BMERB1: variants seen among roughly 807,000 people sequenced by gnomAD.
The protein encoded by BMERB1 is bMERB domain containing 1, also known as bMERB domain-containing protein 1.
A neutral mutation model predicts 23.6 loss-of-function variants in BMERB1; 12 were observed. The ratio of observed to expected loss-of-function variants is 0.51; its 90% CI spans 0.33 to 0.82. The LOEUF (loss-of-function observed/expected upper bound fraction) is 0.82. Ranked by LOEUF, BMERB1 falls within the 40% of genes least tolerant of loss-of-function variation. BMERB1 has a pLI of 0.03. For missense variants in BMERB1, 247 were observed against 255.4 expected (o/e 0.97, Z 0.22); for synonymous variants, 122 against 96.6 (o/e 1.26, Z -1.54).
At chr16:15,447,144 A>G (rs972770588) in intron 1 of BMERB1, among the ~76,000 whole-genome samples, 1 of 152,148 alleles carries the variant, frequency 6.6e-6, no homozygotes, top group African/African-American at 2.4e-5. Flanking sequence ...CAAAGGATGT[A>G]TTGGTCCGTT....
chr16:15,463,431 T>A (rs897754293), intron 1 of BMERB1, among the ~76,000 whole-genome samples: 1 of 152,110 alleles, frequency 6.6e-6, no homozygotes, highest in African/African-American at 2.4e-5. Context: ...ACCACTGTTA[T>A]CACAGAAGTG....
At chr16:15,437,704 A>G (rs1383966881) in intron 1 of BMERB1, among the ~76,000 whole-genome samples, 4 of 152,208 alleles carry the variant, frequency 2.6e-5, no homozygotes. Flanking sequence ...CACGCCTGCA[A>G]TCCCAGCACT....
At chr16:15,478,970 A>G (rs1447078788) in intron 1 of BMERB1, among the ~76,000 whole-genome samples, 1 of 152,242 alleles carries the variant, frequency 6.6e-6, no homozygotes, top group East Asian at 1.9e-4. Context: ...CAGTGGCTGG[A>G]ACTGAACTAG....
chr16:15,576,581 T>C (rs1396276451), intron 3 of BMERB1, among the ~76,000 whole-genome samples: 1 of 152,094 alleles, frequency 6.6e-6, no homozygotes, highest in East Asian at 1.9e-4. Flanking sequence ...CCTAACAAAT[T>C]GGTGCAAACT....
Position 15,443,553 on chromosome 16 carries a change from C to CAAACAA in BMERB1, c.106+8810_106+8815dup, listed in dbSNP as rs1045773840. On this transcript the variant is annotated intron_variant, in intron 1 of 5. Coordinates refer to ENST00000300006, the MANE Select transcript of BMERB1 (RefSeq NM_033201.3). ...GGCCCTATCTCAAAAAACAAACAAACAAACAAAAACAAAAACAAAAAATCC... is the reference window on the plus strand; with the variant it reads ...GGCCCTATCTCAAAAAACAAACAAACAAACAAAAACAAAAACAAAAACAAAAAATCC... Among the ~76,000 whole-genome samples, 7 of 152,004 alleles carry CAAACAA rather than the reference C, an allele frequency of 4.6e-5. No individual in the cohort carries two copies. In the East Asian group the frequency reaches 1.2e-3, roughly 25 times the overall value.
At chr16:15,458,247 A>G (rs959241265) in intron 1 of BMERB1, among the ~76,000 whole-genome samples, 3 of 152,216 alleles carry the variant, frequency 2.0e-5, no homozygotes, top group Non-Finnish European at 4.4e-5. Context: ...CACACACTGT[A>G]TTACAACGGC....
intron 1 of BMERB1, among the ~76,000 whole-genome samples, chr16:15,511,599 C>G (rs1416117232): frequency 2.0e-5 from 3 of 152,180 alleles, no homozygotes; most frequent in African/African-American, 7.2e-5. Context: ...CTCTGAGATG[C>G]TGAACTCAAA....
chr16:15,452,621 T>C (rs2051052224), intron 1 of BMERB1, among the ~76,000 whole-genome samples: 1 of 152,178 alleles, frequency 6.6e-6, no homozygotes, highest in Non-Finnish European at 1.5e-5. Flanking sequence ...TAAGCACTTT[T>C]AGAAGAAACG....
intron 2 of BMERB1, among the ~76,000 whole-genome samples, chr16:15,551,313 G>A (rs1175283414): frequency 6.6e-6 from 1 of 152,128 alleles, no homozygotes; most frequent in Non-Finnish European, 1.5e-5. Context: ...TTACTGCAAT[G>A]TATCAGGGAC....
At position 15,586,847 on chromosome 16, in the gene BMERB1, C is replaced by A; in HGVS notation, c.*18C>A. On this transcript the variant is annotated 3_prime_UTR_variant, in exon 6 of 6. Transcript: ENST00000300006. ...TCATGTAGCCCCCACGTGGGGTGCCCTGGGCCATGGGGACCCCCCCCCACC... is the reference window on the plus strand; with the variant it reads ...TCATGTAGCCCCCACGTGGGGTGCCATGGGCCATGGGGACCCCCCCCCACC... 6.5e-7 allele frequency: 1 copy of A among 1,542,802 alleles called. No individual in the cohort carries two copies. Among genetic ancestry groups the A allele is most frequent in the Non-Finnish European group, 8.8e-7 (1 of 1,138,842 alleles).
chr16:15,517,736 G>A (rs1052630664), intron 2 of BMERB1, among the ~76,000 whole-genome samples: 15 of 152,010 alleles, frequency 9.9e-5, no homozygotes, highest in Non-Finnish European at 1.8e-4. Context: ...CTGTGTGCGC[G>A]TGTGTGTGGA....
chr16:15,588,154 A>T lies in BMERB1; in HGVS notation c.*1325A>T, dbSNP rs1035529595. The T allele has an allele frequency of 2.0e-5, 3 of 152,102 alleles. No homozygotes were observed. The highest frequency in any genetic ancestry group is 7.2e-5 in the African/African-American group (3 of 41,404). 9.4% of individuals were successfully genotyped at this position (152,102 alleles called of 1,614,324 possible). A position where few individuals can be genotyped will look rare whatever the true frequency, so the allele number is the denominator to read the frequency against. ...TTTTGTGCATTTTTTCATCGTTGAC[A>T]TCATATTGTGGTATCATTTATAACC... On this transcript the variant is annotated 3_prime_UTR_variant, in exon 6 of 6. Coordinates refer to ENST00000300006, the MANE Select transcript of BMERB1 (RefSeq NM_033201.3).
chr16:15,441,686 A>G (rs1471994487), intron 1 of BMERB1, among the ~76,000 whole-genome samples: 1 of 151,592 alleles, frequency 6.6e-6, no homozygotes, highest in African/African-American at 2.4e-5. Context: ...CAGCCCTGTT[A>G]GTTTGTGAAT....
chr16:15,455,035 T>C (rs1045513716), intron 1 of BMERB1, among the ~76,000 whole-genome samples: 14 of 151,594 alleles, frequency 9.2e-5, no homozygotes, highest in African/African-American at 2.7e-4. Flanking sequence ...AGAGGAGAAG[T>C]GTAGAAAATG....
At chr16:15,567,084 G>T (rs1212400741) in intron 2 of BMERB1, among the ~76,000 whole-genome samples, 1 of 152,060 alleles carries the variant, frequency 6.6e-6, no homozygotes, top group African/African-American at 2.4e-5. Context: ...GTTGGGAGGG[G>T]TTGTGCAGAG....
intron 1 of BMERB1, among the ~76,000 whole-genome samples, chr16:15,511,335 G>T (rs961381514): frequency 6.6e-6 from 1 of 151,992 alleles, no homozygotes; most frequent in Non-Finnish European, 1.5e-5. Context: ...ACCCTTCCCT[G>T]GCAGAGGCTC....
At chr16:15,452,266 G>C (rs1019489658) in intron 1 of BMERB1, among the ~76,000 whole-genome samples, 22 of 141,948 alleles carry the variant, frequency 1.5e-4, no homozygotes, top group Non-Finnish European at 2.8e-4. Context: ...GGGAGACAGA[G>C]TGAGACCCTG....
chr16:15,566,665 A>AAAAAAT (rs1045969910), intron 2 of BMERB1, among the ~76,000 whole-genome samples: 4 of 151,994 alleles, frequency 2.6e-5, no homozygotes, highest in Non-Finnish European at 5.9e-5. Context: ...GACTGTCTAA[A>AAAAAAT]AAAAATAAAA....
intron 5 of BMERB1, among the ~76,000 whole-genome samples, chr16:15,585,964 T>G (rs2031129125): frequency 1.3e-5 from 2 of 152,064 alleles, no homozygotes; most frequent in African/African-American, 4.8e-5. Flanking sequence ...CTAAGTACTT[T>G]TAAATGATCA....
Sources: allele counts gnomAD v4.1 joint callset (sites outside exome capture counted in the v4.1 genomes callset), GRCh38; gene constraint gnomAD v4.1.1; transcripts MANE v1.5; gene names NCBI Gene and HGNC (gene_info 2026-07-23, HGNC 2026-07-21).